SPTAN1: variants seen among roughly 807,000 people sequenced by gnomAD.
The protein encoded by SPTAN1 is spectrin alpha, non-erythrocytic 1.
SPTAN1 carries 61 observed loss-of-function variants against 331.3 expected under a neutral mutation model. The observed-to-expected ratio is 0.18, with a 90% CI of 0.15 to 0.23. The LOEUF is 0.23. Among genes scored for constraint, SPTAN1 ranks in the 10% least tolerant of loss-of-function variants. The pLI is 1.00. For synonymous variants in SPTAN1, 1,153 were observed against 1,173.9 expected (o/e 0.98, Z 0.36); for missense variants, 2,043 against 3,147.9 (o/e 0.65, Z 8.40).
At chr9:128,601,693 T>G (rs1212760728) in intron 27 of SPTAN1, among the ~76,000 whole-genome samples, 1 of 152,096 alleles carries the variant, frequency 6.6e-6, no homozygotes, top group Non-Finnish European at 1.5e-5. Context: ...CCCAGAAATA[T>G]GAAGAAAGCA....
chr9:128,578,835 G>GAAAAAAA (rs10600950), intron 9 of SPTAN1, among the ~76,000 whole-genome samples: 1 of 119,236 alleles, frequency 8.4e-6, no homozygotes, highest in Non-Finnish European at 1.8e-5. Flanking sequence ...CTGTCTCAAA[G>GAAAAAAA]AAAAAAAAAA....
At chr9:128,584,184 ATCCTC>A (rs767610379) in intron 16 of SPTAN1, 93 bp from the exon 17 acceptor site, 39 of 1,584,116 alleles carry the variant, frequency 2.5e-5, no homozygotes, top group Non-Finnish European at 3.3e-5. Context: ...AGCAGAAAGA[ATCCTC>A]TCAGGAATGG....
chr9:128,618,113 G>A lies in SPTAN1; in HGVS notation c.5600+5G>A. The A allele has an allele frequency of 1.9e-6, 3 of 1,612,998 alleles. No homozygotes were observed. The highest frequency in any genetic ancestry group is 2.2e-5 in the East Asian group (1 of 44,854). On this transcript the variant is annotated splice_donor_5th_base_variant and intron_variant, in intron 43 of 56. Coordinates refer to ENST00000372739, the MANE Select transcript of SPTAN1 (RefSeq NM_001130438.3). ...GAAGCAGCTGGCAGCTGCCCGGTGA[G>A]TAGTCAGAGGCAGGAGCTCCCGGGA...
rs752791475 is a variant in SPTAN1 at position 128,598,947 on chromosome 9, C to T, written c.3520-16C>T. 3 of 1,611,642 alleles carry T rather than the reference C, an allele frequency of 1.9e-6. No homozygotes were observed. The highest frequency in any genetic ancestry group is 1.7e-6 in the Non-Finnish European group (2 of 1,177,892). On this transcript the variant is annotated splice_polypyrimidine_tract_variant and intron_variant, in intron 25 of 56. Transcript: ENST00000372739. ...TTTCTTCTAATAATAAAACTGGTTTCTCTCTCTCCTTGTAGGAAGTGTATG... is the reference window on the plus strand; with the variant it reads ...TTTCTTCTAATAATAAAACTGGTTTTTCTCTCTCCTTGTAGGAAGTGTATG...
At chr9:128,560,315 C>G (rs570922185) in intron 1 of SPTAN1, among the ~76,000 whole-genome samples, 4 of 151,894 alleles carry the variant, frequency 2.6e-5, no homozygotes, top group South Asian at 4.2e-4. Context: ...AACTCCTGAG[C>G]TAAGGCAATC....
intron 41 of SPTAN1, among the ~76,000 whole-genome samples, chr9:128,617,039 A>T (rs574506181): frequency 1.3e-5 from 2 of 152,192 alleles, no homozygotes; most frequent in South Asian, 4.1e-4. Flanking sequence ...AGAGTTTGAG[A>T]CCAGCCTGGG....
intron 1 of SPTAN1, among the ~76,000 whole-genome samples, chr9:128,560,210 A>G (rs1237694968): frequency 6.6e-6 from 1 of 150,704 alleles, no homozygotes; most frequent in African/African-American, 2.4e-5. Flanking sequence ...CAGCCTCCCA[A>G]GTAGCTGGGA....
intron 10 of SPTAN1, 50 bp from the exon 11 acceptor site, chr9:128,580,872 G>A (rs1851855186): frequency 6.2e-7 from 1 of 1,611,102 alleles, no homozygotes; most frequent in Non-Finnish European, 8.5e-7. Context: ...CTGCCTCGGA[G>A]GCATTGGGGC....
Position 128,604,337 on chromosome 9 carries a change from G to A in SPTAN1, c.3639G>A (p.Glu1213=), listed in dbSNP as rs750007543. The change falls in exon 29 of 57, where the codon GAG becomes GAA. Residue 1213 remains glutamate (E), a synonymous_variant. Coordinates refer to ENST00000372739, the MANE Select transcript of SPTAN1 (RefSeq NM_001130438.3). ...ATFNSIKELN[E]RWRSLQQLAE... The stretch of plus-strand genomic sequence containing the variant: ...TTGCTGTCCTGCAGGAGCTGAATGA[G>A]CGCTGGCGGTCCCTACAGCAGCTGG... The A allele has an allele frequency of 5.4e-5, 87 of 1,613,906 alleles. No individual in the cohort carries two copies. The highest frequency in any genetic ancestry group is 6.7e-5 in the Non-Finnish European group (79 of 1,179,972).
At chr9:128,597,311 A>AT in intron 24 of SPTAN1, among the ~76,000 whole-genome samples, 1 of 152,176 alleles carries the variant, frequency 6.6e-6, no homozygotes, top group African/African-American at 2.4e-5. Flanking sequence ...GCCTCATCAC[A>AT]TTTTTAAAAC....
intron 3 of SPTAN1, 40 bp from the exon 4 acceptor site, chr9:128,574,635 C>A: frequency 6.2e-7 from 1 of 1,613,000 alleles, no homozygotes; most frequent in South Asian, 1.1e-5. Flanking sequence ...CCCACAGAGC[C>A]AGTTGTGATC....
chr9:128,627,169 C>T lies in SPTAN1; in HGVS notation c.6577-217C>T. 1 of 638,154 alleles carries T rather than the reference C, an allele frequency of 1.6e-6. No individual in the cohort carries two copies. The allele number at this position is 638,154 out of a possible 1,614,324, so 39.5% of individuals were successfully genotyped here. On this transcript the variant is annotated intron_variant, in intron 49 of 56. Transcript: ENST00000372739. The surrounding 1 kb of genome is among the most constrained non-coding windows in gnomAD (Gnocchi z 4.9). ...CCCTGCTTGACTGACCAGTCGCTTC[C>T]CTCCAGGTCCGCCTCTTCCTTGAAG...
intron 19 of SPTAN1, 148 bp from the exon 20 acceptor site, chr9:128,587,458 G>A (rs1852802749): frequency 1.4e-6 from 1 of 702,998 alleles, no homozygotes; most frequent in Non-Finnish European, 2.6e-6. Flanking sequence ...CTTTGAAAAT[G>A]ATATTAGCAC....
At chr9:128,610,342 C>T (rs1307475020) in intron 37 of SPTAN1, among the ~76,000 whole-genome samples, 2 of 152,146 alleles carry the variant, frequency 1.3e-5, no homozygotes, top group Non-Finnish European at 2.9e-5. Context: ...GTGATCAGAA[C>T]AAGGAACAGA....
At position 128,633,581 on chromosome 9, in the gene SPTAN1, G is replaced by C; in HGVS notation, c.*247G>C. The C allele has an allele frequency of 9.2e-7, 1 of 1,081,152 alleles. No individual in the cohort carries two copies. Among genetic ancestry groups the C allele is most frequent in the Non-Finnish European group, 1.3e-6 (1 of 742,456 alleles). 67.0% of individuals were successfully genotyped at this position (1,081,152 alleles called of 1,614,324 possible). On this transcript the variant is annotated 3_prime_UTR_variant, in exon 57 of 57. Transcript: ENST00000372739. ...CCGACTTCAGAAAATCGAAGCAGCT[G>C]GCTCCTCCCCTTGTTCTCTCTCCCA...
At chr9:128,557,890 G>A (rs548442578) in intron 1 of SPTAN1, among the ~76,000 whole-genome samples, 12 of 136,240 alleles carry the variant, frequency 8.8e-5, no homozygotes, top group Admixed American at 2.6e-4. Context: ...TGCAAGCTCC[G>A]CCTCCCAGGT....
intron 45 of SPTAN1, among the ~76,000 whole-genome samples, chr9:128,623,946 G>A (rs1858315817): frequency 7.2e-6 from 1 of 138,834 alleles, no homozygotes; most frequent in Non-Finnish European, 1.5e-5. Context: ...GCTGTGCATG[G>A]TGGTGTTCGC....
chr9:128,567,043 G>A, intron 2 of SPTAN1, 66 bp downstream of exon 2: 1 of 1,606,874 alleles, frequency 6.2e-7, no homozygotes, highest in Non-Finnish European at 8.5e-7. Context: ...CCAAAAATCA[G>A]ACGAGGAAAG....
At position 128,632,907 on chromosome 9, in the gene SPTAN1, C is replaced by T. The variant is rs760748641; in HGVS notation, c.7260C>T (p.Ala2420=). ...AGGAGATTGAGAGCGCCTTCCGGGC[C>T]CTCAGCTCAGAGGGAAAGCCTTACG... ...SSEEIESAFR[A]LSSEGKPYVT... The change falls in exon 56 of 57, where the codon GCC becomes GCT. Residue 2420 remains alanine (A), a synonymous_variant. Transcript: ENST00000372739. 2 of 1,613,724 alleles carry T rather than the reference C, an allele frequency of 1.2e-6. No individual in the cohort carries two copies. Among genetic ancestry groups the T allele is most frequent in the East Asian group, 4.5e-5 (2 of 44,880 alleles).
Sources: allele counts gnomAD v4.1 joint callset (sites outside exome capture counted in the v4.1 genomes callset), GRCh38; gene constraint gnomAD v4.1.1; non-coding constraint Gnocchi (gnomAD v3.1); transcripts MANE v1.5; gene names NCBI Gene and HGNC (gene_info 2026-07-23, HGNC 2026-07-21).